SLC45A1: variants seen among roughly 807,000 people sequenced by gnomAD.
SLC45A1 encodes the protein solute carrier family 45 member 1.
SLC45A1 carries 28 observed loss-of-function variants against 57.6 expected under a neutral mutation model. The ratio of observed to expected loss-of-function variants is 0.49; its 90% CI spans 0.36 to 0.67. The LOEUF (loss-of-function observed/expected upper bound fraction) is 0.67. Among genes scored for constraint, SLC45A1 ranks in the 30% least tolerant of loss-of-function variants. The probability of loss-of-function intolerance (pLI) is 0.00; values close to 1 mark genes in which losing one functional copy is unlikely to be tolerated. For synonymous variants in SLC45A1, 459 were observed against 471.5 expected (o/e 0.97, Z 0.34); for missense variants, 814 against 1,041.5 (o/e 0.78, Z 3.01).
In SLC45A1 at chr1:8,344,028, G is replaced by A. The variant is rs768898491; in HGVS notation, c.*15G>A. 49 of 1,596,576 alleles carry A rather than the reference G, an allele frequency of 3.1e-5. No individual in the cohort carries two copies. The highest frequency in any genetic ancestry group is 3.8e-5 in the Non-Finnish European group (44 of 1,169,540). On this transcript the variant is annotated 3_prime_UTR_variant, in exon 9 of 9. Transcript: ENST00000471889. ...TGAACGTCTGACATCGCGGAGCCTC[G>A]ACTCCGGACACGCGCCTGCACCTGG... is the stretch of plus-strand genomic sequence containing the variant.
rs112519713 is a variant in SLC45A1, at chr1:8,343,698, C to T, written c.1981-49C>T. On this transcript the variant is annotated intron_variant, in intron 8 of 8. Transcript: ENST00000471889. This position sits in a 1 kb window ranked among gnomAD's most constrained non-coding sequence, Gnocchi z 7.7. ...CAGGACACACCGAGCTCGGTCACCC[C>T]GTGCTGGCCGCGGCGTGTCTCGCTG... The T allele has an allele frequency of 2.2e-4, 346 of 1,570,360 alleles. 2 individuals carry two copies. In the South Asian group the frequency reaches 2.9e-3, roughly 13 times the overall value.
At chr1:8,334,860 A>G (rs1006824086) in intron 5 of SLC45A1, among the ~76,000 whole-genome samples, 1 of 152,174 alleles carries the variant, frequency 6.6e-6, no homozygotes, top group Non-Finnish European at 1.5e-5. Flanking sequence ...CTTGAGCCCC[A>G]GAAAGAAATC....
chr1:8,332,161 C>G (rs1640431321), intron 5 of SLC45A1, among the ~76,000 whole-genome samples: 1 of 152,222 alleles, frequency 6.6e-6, no homozygotes, highest in South Asian at 2.1e-4. Context: ...TAGTGAGTTT[C>G]TTAGAGGCAT....
At chr1:8,331,722 T>A (rs1640416465) in intron 5 of SLC45A1, among the ~76,000 whole-genome samples, 1 of 152,078 alleles carries the variant, frequency 6.6e-6, no homozygotes, top group South Asian at 2.1e-4. Context: ...AGTCCACCTA[T>A]GAGTGAGTGA....
chr1:8,331,047 T>G (rs2124306281), intron 5 of SLC45A1, 111 bp downstream of exon 5: 2 of 1,366,226 alleles, frequency 1.5e-6, no homozygotes, highest in South Asian at 2.9e-5. Flanking sequence ...TCCCGGCTGT[T>G]ATGGGGGTGT....
intron 1 of SLC45A1, among the ~76,000 whole-genome samples, chr1:8,320,202 T>C (rs1448842117): frequency 9.2e-5 from 14 of 152,162 alleles, no homozygotes; most frequent in Admixed American, 9.2e-4. Flanking sequence ...AGAAGTTCAT[T>C]GAGTGTGTGA....
chr1:8,336,425 A>G (rs569298323), intron 6 of SLC45A1, among the ~76,000 whole-genome samples: 176 of 152,106 alleles, frequency 1.2e-3, no homozygotes, highest in Non-Finnish European at 2.1e-3. Flanking sequence ...AAAAAAAAAA[A>G]GAATTTGAGA....
chr1:8,336,452 T>C (rs1392403086), intron 6 of SLC45A1, among the ~76,000 whole-genome samples: 2 of 151,690 alleles, frequency 1.3e-5, no homozygotes, highest in African/African-American at 4.8e-5. Flanking sequence ...GGGGCTCTCA[T>C]ACATTGTGGG....
At chr1:8,324,749 T>C (rs768062504) in intron 2 of SLC45A1, 23 bp downstream of exon 2, 2 of 1,553,580 alleles carry the variant, frequency 1.3e-6, no homozygotes, top group South Asian at 2.4e-5. Flanking sequence ...TCCTCCCCGA[T>C]GGTGGAGGGC....
chr1:8,335,615 G>C lies in SLC45A1; in HGVS notation c.1597+25G>C. On this transcript the variant is annotated intron_variant, in intron 6 of 8. Transcript: ENST00000471889. The surrounding 1 kb of genome is among the most constrained non-coding windows in gnomAD (Gnocchi z 4.1). ...GGTGAGCTCCCGGCCAAGCCTCCCCGTGAGTCCTGGTCCTGCTCAGGGCTC... is the reference window on the plus strand; with the variant it reads ...GGTGAGCTCCCGGCCAAGCCTCCCCCTGAGTCCTGGTCCTGCTCAGGGCTC... 6.3e-7 allele frequency: 1 copy of C among 1,581,288 alleles called. No individual in the cohort carries two copies. Among genetic ancestry groups the C allele is most frequent in the Non-Finnish European group, 8.6e-7 (1 of 1,167,212 alleles).
chr1:8,329,741 C>T (rs1266067066), intron 4 of SLC45A1, among the ~76,000 whole-genome samples: 1 of 152,186 alleles, frequency 6.6e-6, no homozygotes, highest in African/African-American at 2.4e-5. Context: ...CATCTGTGGT[C>T]ACCACAGGGG....
In SLC45A1 at chr1:8,335,332, C is replaced by T. The variant is rs1640570474; in HGVS notation, c.1444-105C>T. 8.8e-7 allele frequency: 1 copy of T among 1,132,936 alleles called. No homozygotes were observed. Among genetic ancestry groups the T allele is most frequent in the Non-Finnish European group, 1.2e-6 (1 of 827,948 alleles). 70.2% of individuals were successfully genotyped at this position (1,132,936 alleles called of 1,614,324 possible). ...CAGATAAGAAGACAGACCCTTGCAG[C>T]CTCCGTGCGGTGTTTCCGAGAGCGC... On this transcript the variant is annotated intron_variant, in intron 5 of 8. Coordinates refer to ENST00000471889, the MANE Select transcript of SLC45A1 (RefSeq NM_001080397.3). The surrounding 1 kb of genome is among the most constrained non-coding windows in gnomAD (Gnocchi z 4.1).
At position 8,337,823 on chromosome 1, in the gene SLC45A1, C is replaced by T. The variant is rs924097392; in HGVS notation, c.1605C>T (p.Leu535=). The T allele has an allele frequency of 7.5e-5, 121 of 1,613,376 alleles. No homozygotes were observed. The highest frequency in any genetic ancestry group is 9.5e-5 in the Non-Finnish European group (112 of 1,179,764). The change falls in exon 7 of 9, where the codon CTC becomes CTT. Residue 535 remains leucine (L), a synonymous_variant. Transcript: ENST00000471889. ...CCTCTTTCTTTCTTCCAGGGTGGCT[C>T]TCATTCGAGGGGATGTTGCTCTTCT... ...TLCVNHFLGW[L]SFEGMLLFYT... is the part of the protein sequence containing the mutation.
intron 5 of SLC45A1, among the ~76,000 whole-genome samples, chr1:8,333,528 C>G (rs1232322488): frequency 6.6e-6 from 1 of 152,178 alleles, no homozygotes; most frequent in Non-Finnish European, 1.5e-5. Flanking sequence ...CTCAATCTGC[C>G]AGGCCCAAGT....
At chr1:8,334,342 G>A (rs1569958353) in intron 5 of SLC45A1, among the ~76,000 whole-genome samples, 1 of 152,218 alleles carries the variant, frequency 6.6e-6, no homozygotes, top group Non-Finnish European at 1.5e-5. Context: ...CCGGCACTGC[G>A]GCCTCTCAGC....
intron 5 of SLC45A1, among the ~76,000 whole-genome samples, chr1:8,333,227 T>C (rs1244492871): frequency 6.6e-6 from 1 of 152,032 alleles, no homozygotes; most frequent in African/African-American, 2.4e-5. Flanking sequence ...CTGTTCATTT[T>C]CTTTTCCTTT....
In SLC45A1 at chr1:8,324,334, T is replaced by A. The variant is rs754985507; in HGVS notation, c.5T>A (p.Ile2Asn). The A allele has an allele frequency of 2.5e-6, 4 of 1,611,720 alleles. No homozygotes were observed. In the East Asian group the frequency reaches 6.7e-5, roughly 27 times the overall value. Residue 2 changes from isoleucine (I) to asparagine (N), a missense_variant, in exon 2 of 9, where the codon ATC (isoleucine) becomes AAC (asparagine). Ile to Asn is a moderately radical substitution (Grantham distance 149). Transcript: ENST00000471889. ...CGCCCACCAGCCCTCCCCACGATGATCCCCGCAGCCAGCAGCACCCCGCCG... is the reference window on the plus strand; with the variant it reads ...CGCCCACCAGCCCTCCCCACGATGAACCCCGCAGCCAGCAGCACCCCGCCG... M[I>N]PAASSTPPGD...
chr1:8,338,138 G>A (rs1278105090), intron 7 of SLC45A1, 146 bp downstream of exon 7: 5 of 765,548 alleles, frequency 6.5e-6, no homozygotes, highest in Non-Finnish European at 1.0e-5. Flanking sequence ...CGGCTGCAGG[G>A]CGCTGGGCCT....
chr1:8,339,061 C>T (rs1640716819), intron 7 of SLC45A1, among the ~76,000 whole-genome samples: 1 of 152,236 alleles, frequency 6.6e-6, no homozygotes, highest in Admixed American at 6.5e-5. Context: ...GACATCCATG[C>T]TGTCACATCA....
Sources: allele counts gnomAD v4.1 joint callset (sites outside exome capture counted in the v4.1 genomes callset), GRCh38; gene constraint gnomAD v4.1.1; non-coding constraint Gnocchi (gnomAD v3.1); transcripts MANE v1.5; gene names NCBI Gene and HGNC (gene_info 2026-07-23, HGNC 2026-07-21).